The following RBFOX1 variants were observed in gnomAD, a reference collection of about 807,000 sequenced individuals.
The protein encoded by RBFOX1 is RNA binding fox-1 homolog 1.
Under a neutral mutation model 57.7 loss-of-function variants are expected in RBFOX1, and 8 were observed. The observed-to-expected ratio is 0.14, with a 90% confidence interval of 0.08 to 0.25. RBFOX1 has a LOEUF of 0.25. Among genes scored for constraint, RBFOX1 ranks in the 10% least tolerant of loss-of-function variants. The pLI is 1.00. For synonymous variants in RBFOX1, 326 were observed against 222.4 expected (o/e 1.47, Z -4.15); for missense variants, 611 against 548.5 (o/e 1.11, Z -1.14).
intron 2 of RBFOX1, among the ~76,000 whole-genome samples, chr16:6,568,312 C>T (rs2097295986): frequency 2.0e-5 from 3 of 152,162 alleles, no homozygotes; most frequent in South Asian, 2.1e-4. Context: ...TCTAGACTCA[C>T]TCATATGGAT....
intron 4 of RBFOX1, among the ~76,000 whole-genome samples, chr16:7,454,588 T>A (rs936356515): frequency 6.6e-6 from 1 of 152,126 alleles, no homozygotes; most frequent in Admixed American, 6.5e-5. Context: ...CCTTGGTGCA[T>A]GAAGGAAAAC....
chr16:5,747,817 G>A (rs7500595), intron 3 of RBFOX1, among the ~76,000 whole-genome samples: 64,895 of 151,824 alleles, frequency 0.43, 14,015 homozygotes, highest in East Asian at 0.61. Context: ...TGATCTTTCA[G>A]AAAACCAGCT....
At chr16:6,872,892 A>G (rs1216395511) in intron 3 of RBFOX1, among the ~76,000 whole-genome samples, 2 of 152,188 alleles carry the variant, frequency 1.3e-5, no homozygotes, top group Admixed American at 6.5e-5. Flanking sequence ...AAATTGTGCT[A>G]TTAGGAAGAA....
At chr16:6,805,838 C>T (rs946773298) in intron 3 of RBFOX1, among the ~76,000 whole-genome samples, 20 of 152,304 alleles carry the variant, frequency 1.3e-4, no homozygotes, top group African/African-American at 4.3e-4. Flanking sequence ...CATCTATCTC[C>T]GCCTTTCTCC....
At chr16:5,540,019 T>C (rs1024635762) in intron 2 of RBFOX1, among the ~76,000 whole-genome samples, 6 of 152,228 alleles carry the variant, frequency 3.9e-5, no homozygotes, top group Admixed American at 3.3e-4. Flanking sequence ...TTCTTTTTCT[T>C]CTGTTCTGAT....
intron 3 of RBFOX1, among the ~76,000 whole-genome samples, chr16:6,719,657 A>G (rs1473458458): frequency 6.6e-6 from 1 of 151,362 alleles, no homozygotes; most frequent in Admixed American, 6.6e-5. Context: ...CATGTTAGCT[A>G]GGATGGTCTT....
At chr16:6,901,198 C>T (rs573347934) in intron 3 of RBFOX1, among the ~76,000 whole-genome samples, 3 of 152,212 alleles carry the variant, frequency 2.0e-5, no homozygotes, top group East Asian at 1.9e-4. Flanking sequence ...TAAATATATA[C>T]AGAAGGAAGA....
chr16:6,523,955 A>G (rs1188932288), intron 2 of RBFOX1, among the ~76,000 whole-genome samples: 1 of 152,218 alleles, frequency 6.6e-6, no homozygotes, highest in Non-Finnish European at 1.5e-5. Context: ...TACACACATC[A>G]TGGAGAATGG....
At chr16:7,027,263 T>C (rs1194003628) in intron 3 of RBFOX1, among the ~76,000 whole-genome samples, 1 of 152,142 alleles carries the variant, frequency 6.6e-6, no homozygotes, top group Non-Finnish European at 1.5e-5. Context: ...AGTAAATGAA[T>C]AGAGAGGATG....
At chr16:7,151,275 A>T (rs1232437857) in intron 4 of RBFOX1, among the ~76,000 whole-genome samples, 2 of 152,232 alleles carry the variant, frequency 1.3e-5, no homozygotes, top group African/African-American at 4.8e-5. Context: ...ACTTGGATTC[A>T]GAATGGTTCT....
chr16:7,600,896 A>G (rs1459968361), intron 9 of RBFOX1, among the ~76,000 whole-genome samples: 2 of 152,238 alleles, frequency 1.3e-5, no homozygotes, highest in African/African-American at 2.4e-5. Context: ...AATGAGCCGT[A>G]GGCTTCTGGA....
chr16:5,413,479 A>G (rs2067079841), intron 1 of RBFOX1, among the ~76,000 whole-genome samples: 1 of 152,214 alleles, frequency 6.6e-6, no homozygotes, highest in Non-Finnish European at 1.5e-5. Flanking sequence ...CTTCTCAGTT[A>G]CAGTAGCCAC....
At chr16:6,863,678 A>AG (rs552837456) in intron 3 of RBFOX1, among the ~76,000 whole-genome samples, 2,897 of 146,640 alleles carry the variant, frequency 0.02, 153 homozygotes, top group African/African-American at 0.065. Context: ...CTTAAAAAAA[A>AG]AAAAAGAAAA....
chr16:5,428,988 C>T lies in RBFOX1; in HGVS notation c.220-38228C>T, dbSNP rs138459176. On this transcript the variant is annotated intron_variant, in intron 1 of 2. Coordinates refer to the RBFOX1 transcript ENST00000585867. ...TTTTCCTCTCTTCCTAACAACCCTC[C>T]GACCTGTGGCTTTTTAAATGGAAGT... Among the ~76,000 whole-genome samples the T allele has an allele frequency of 2.0e-3, 300 of 152,174 alleles. 1 individual carries two copies. The highest frequency in any genetic ancestry group is 5.1e-3 in the African/African-American group (213 of 41,522).
chr16:6,505,244 C>T (rs543531736), intron 2 of RBFOX1, among the ~76,000 whole-genome samples: 2 of 152,100 alleles, frequency 1.3e-5, no homozygotes, highest in Admixed American at 6.6e-5. Context: ...TTGTCACTTT[C>T]AGTATGTCAC....
chr16:7,347,050 C>G (rs1248294103), intron 4 of RBFOX1, among the ~76,000 whole-genome samples: 1 of 152,174 alleles, frequency 6.6e-6, no homozygotes, highest in African/African-American at 2.4e-5. Flanking sequence ...GCCTAGTGAT[C>G]TCAGCAGGCA....
Position 6,476,808 on chromosome 16 carries a change from C to T in RBFOX1, c.-64+159751C>T, listed in dbSNP as rs564879426. On this transcript the variant is annotated intron_variant, in intron 2 of 15. Transcript: ENST00000550418. ...TGCTGTTTGACAGCATTTTACCTAA[C>T]GTAGAACTTCTTTCAGAATTGGAGT... Among the ~76,000 whole-genome samples, 8 of 152,316 alleles carry T rather than the reference C, an allele frequency of 5.3e-5. No individual in the cohort carries two copies. In the South Asian group the frequency reaches 6.2e-4, roughly 12 times the overall value.
At chr16:7,047,589 G>A (rs1459131172) in intron 3 of RBFOX1, among the ~76,000 whole-genome samples, 1 of 147,154 alleles carries the variant, frequency 6.8e-6, no homozygotes, top group South Asian at 2.3e-4. Flanking sequence ...TTTGTCAAAT[G>A]TAGGAAGTTT....
chr16:6,974,624 C>T lies in RBFOX1; in HGVS notation c.-15-77433C>T, dbSNP rs186494959. 2.1e-3 allele frequency among the ~76,000 whole-genome samples: 327 copies of T among 152,102 alleles called. 1 individual carries two copies. Among genetic ancestry groups the T allele is most frequent in the African/African-American group, 7.4e-3 (308 of 41,500 alleles). ...CCTCCCAAAGTGCTGGGATTACAGG[C>T]GTGAGTCACTGCACCTGGCCCATAA... On this transcript the variant is annotated intron_variant, in intron 3 of 15. Coordinates refer to ENST00000550418, the MANE Select transcript of RBFOX1 (RefSeq NM_018723.4).
Sources: gnomAD v4.1 joint callset for allele counts (sites outside exome capture counted in the v4.1 genomes callset) on GRCh38, gnomAD v4.1.1 for gene constraint, MANE v1.5 for transcripts, NCBI Gene and HGNC (gene_info 2026-07-23, HGNC 2026-07-21) for gene names.